The following KCNH5 variants were observed in gnomAD, a reference collection of about 807,000 sequenced individuals.
The protein encoded by KCNH5 is voltage-gated delayed rectifier potassium channel KCNH5.
In KCNH5, 46 loss-of-function variants were observed where a neutral mutation model predicts 96.1. That is an observed-to-expected ratio of 0.48 (90% CI 0.38 to 0.61). The LOEUF (loss-of-function observed/expected upper bound fraction) is 0.61, where lower values mean the gene tolerates loss of function less well. Ranked by LOEUF, KCNH5 falls within the 20% of genes least tolerant of loss-of-function variation. The pLI is 0.00. For synonymous variants in KCNH5, 439 were observed against 449.8 expected (o/e 0.98, Z 0.30); for missense variants, 907 against 1,225.8 (o/e 0.74, Z 3.88).
chr14:62,886,761 G>C (rs10138240), intron 7 of KCNH5, among the ~76,000 whole-genome samples: 64,364 of 151,894 alleles, frequency 0.42, 14,725 homozygotes, highest in South Asian at 0.67. Context: ...CTTGGCTATG[G>C]TACAGTATAG....
intron 7 of KCNH5, among the ~76,000 whole-genome samples, chr14:62,879,006 G>A (rs1361591728): frequency 3.3e-5 from 5 of 152,160 alleles, no homozygotes; most frequent in East Asian, 1.9e-4. Flanking sequence ...TGGGAACTTC[G>A]ATGTAGGAAT....
chr14:62,895,564 C>A (rs558461740), intron 7 of KCNH5, among the ~76,000 whole-genome samples: 1 of 152,076 alleles, frequency 6.6e-6, no homozygotes, highest in African/African-American at 2.4e-5. Flanking sequence ...AACTCCTGAC[C>A]TCAGGTGATC....
chr14:62,951,141 G>A (rs1889997922), intron 6 of KCNH5, among the ~76,000 whole-genome samples: 1 of 152,132 alleles, frequency 6.6e-6, no homozygotes, highest in South Asian at 2.1e-4. Flanking sequence ...TGCATTTCTA[G>A]AGCTCTGAAA....
intron 9 of KCNH5, among the ~76,000 whole-genome samples, chr14:62,793,706 CA>C (rs1238037694): frequency 6.6e-6 from 1 of 151,106 alleles, no homozygotes; most frequent in African/African-American, 2.4e-5. Flanking sequence ...AACTTTTGTT[CA>C]AAAGTTGAAA....
chr14:62,900,443 T>G (rs1373963784), intron 7 of KCNH5, among the ~76,000 whole-genome samples: 3 of 152,212 alleles, frequency 2.0e-5, no homozygotes, highest in Non-Finnish European at 2.9e-5. Context: ...TCAACAAAAT[T>G]TTTAAATCTT....
At chr14:62,728,462 G>A (rs538716624) in intron 10 of KCNH5, among the ~76,000 whole-genome samples, 3 of 151,884 alleles carry the variant, frequency 2.0e-5, no homozygotes, top group East Asian at 3.9e-4. Flanking sequence ...TTCTGGTATT[G>A]TTTTTATAAG....
At chr14:62,767,447 G>C (rs2139962189) in intron 10 of KCNH5, among the ~76,000 whole-genome samples, 1 of 150,776 alleles carries the variant, frequency 6.6e-6, no homozygotes, top group South Asian at 2.1e-4. Flanking sequence ...TGGTAGACTA[G>C]ATAAGGAAAA....
chr14:62,891,061 A>G (rs1888701809), intron 7 of KCNH5, among the ~76,000 whole-genome samples: 1 of 152,166 alleles, frequency 6.6e-6, no homozygotes, highest in Non-Finnish European at 1.5e-5. Context: ...CTGGGTATAT[A>G]CCCAGAGGAT....
intron 10 of KCNH5, among the ~76,000 whole-genome samples, chr14:62,716,170 T>C (rs1249237491): frequency 6.6e-6 from 1 of 152,166 alleles, no homozygotes; most frequent in African/African-American, 2.4e-5. Context: ...TACAAATTTT[T>C]CATTTAAAAA....
chr14:62,833,143 G>GTT (rs78468738), intron 8 of KCNH5, among the ~76,000 whole-genome samples: 2 of 150,990 alleles, frequency 1.3e-5, no homozygotes, highest in African/African-American at 2.4e-5. Flanking sequence ...ACTATTCTCT[G>GTT]TTTTTTTTGG....
Position 62,770,192 on chromosome 14 carries a change from T to C in KCNH5, c.2019+9536A>G, listed in dbSNP as rs1007687938. ...ATGCTCGTATTGCTACTGAAATAGATGCAATCTGCGACACATGTACACCAA... is the reference window on the plus strand; with the variant it reads ...ATGCTCGTATTGCTACTGAAATAGACGCAATCTGCGACACATGTACACCAA... On this transcript the variant is annotated intron_variant, in intron 10 of 10. Coordinates refer to ENST00000322893, the MANE Select transcript of KCNH5 (RefSeq NM_139318.5). Among the ~76,000 whole-genome samples the C allele has an allele frequency of 2.0e-5, 3 of 152,192 alleles. No individual in the cohort carries two copies. In the East Asian group the frequency reaches 5.8e-4, roughly 29 times the overall value.
At chr14:62,783,834 T>C (rs1017804782) in intron 9 of KCNH5, among the ~76,000 whole-genome samples, 1 of 71,678 alleles carries the variant, frequency 1.4e-5, no homozygotes, top group Non-Finnish European at 3.5e-5. Flanking sequence ...AAGAAATAAA[T>C]GAAGAATAAT....
chr14:62,875,396 C>A (rs1368060057), intron 7 of KCNH5, among the ~76,000 whole-genome samples: 1 of 152,062 alleles, frequency 6.6e-6, no homozygotes, highest in African/African-American at 2.4e-5. Context: ...CAATCCTAAG[C>A]CAAAAGAACA....
chr14:62,775,594 T>C (rs1234822059), intron 10 of KCNH5, among the ~76,000 whole-genome samples: 1 of 152,202 alleles, frequency 6.6e-6, no homozygotes, highest in East Asian at 1.9e-4. Context: ...TACTCTTTCA[T>C]GCTATCTGCC....
intron 2 of KCNH5, 46 bp from the exon 3 acceptor site, chr14:63,006,518 C>A (rs781318147): frequency 8.6e-6 from 9 of 1,051,648 alleles, no homozygotes; most frequent in South Asian, 1.3e-5. Context: ...TTTGTGTTGC[C>A]TTTCAAATGC....
intron 7 of KCNH5, among the ~76,000 whole-genome samples, chr14:62,864,547 T>G (rs1301629429): frequency 2.6e-5 from 4 of 152,208 alleles, no homozygotes; most frequent in African/African-American, 9.6e-5. Context: ...GATGAGTTGG[T>G]CAAGGTGGAA....
chr14:62,930,437 T>C (rs1376577315), intron 7 of KCNH5, among the ~76,000 whole-genome samples: 1 of 152,122 alleles, frequency 6.6e-6, no homozygotes, highest in Non-Finnish European at 1.5e-5. Context: ...CCTATTTACT[T>C]GAGACTCAAG....
intron 7 of KCNH5, among the ~76,000 whole-genome samples, chr14:62,916,804 G>A (rs995073009): frequency 6.6e-6 from 1 of 152,154 alleles, no homozygotes; most frequent in Non-Finnish European, 1.5e-5. Flanking sequence ...TCTGAAAACA[G>A]TCTTCTCATC....
chr14:62,966,327 G>A (rs1890304988), intron 6 of KCNH5, among the ~76,000 whole-genome samples: 1 of 152,128 alleles, frequency 6.6e-6, no homozygotes, highest in Non-Finnish European at 1.5e-5. Flanking sequence ...CTCATCAAAA[G>A]GGCAGTATTA....
Sources: gnomAD v4.1 joint callset for allele counts (sites outside exome capture counted in the v4.1 genomes callset) on GRCh38, gnomAD v4.1.1 for gene constraint, MANE v1.5 for transcripts, NCBI Gene and HGNC (gene_info 2026-07-23, HGNC 2026-07-21) for gene names.